Variants in INTS4 observed in about 807,000 individuals in gnomAD.
The protein encoded by INTS4 is integrator complex subunit 4.
INTS4 carries 70 observed loss-of-function variants against 119.5 expected under a neutral mutation model. The observed-to-expected ratio is 0.59, with a 90% CI of 0.48 to 0.71. The LOEUF is 0.71. Among genes scored for constraint, INTS4 ranks in the 30% least tolerant of loss-of-function variants. The pLI is 0.00. For missense variants in INTS4, 867 were observed against 1,173.2 expected (o/e 0.74, Z 3.81); for synonymous variants, 316 against 419.6 (o/e 0.75, Z 3.02).
intron 4 of INTS4, among the ~76,000 whole-genome samples, chr11:77,961,367 G>C (rs1954472431): frequency 6.6e-6 from 1 of 151,884 alleles, no homozygotes; most frequent in Admixed American, 6.6e-5. Context: ...TTTCATCTTT[G>C]TATTCCCAAT....
chr11:77,958,741 C>G lies in INTS4; in HGVS notation c.797+5G>C. The G allele has an allele frequency of 6.3e-7, 1 of 1,594,656 alleles. No individual in the cohort carries two copies. Among genetic ancestry groups the G allele is most frequent in the Non-Finnish European group, 8.6e-7 (1 of 1,164,330 alleles). ...CAACAAAAGCCAGCTTACACCCACA[C>G]TGACCTTTCAGGATAGAGCTGACTG... On this transcript the variant is annotated splice_donor_5th_base_variant and intron_variant, in intron 7 of 22. Transcript: ENST00000534064.
At chr11:77,899,066 C>A (rs1251524758) in intron 18 of INTS4, among the ~76,000 whole-genome samples, 1 of 152,044 alleles carries the variant, frequency 6.6e-6, no homozygotes, top group Non-Finnish European at 1.5e-5. Context: ...TATAATAATT[C>A]AATAACCCTT....
chr11:77,889,659 TG>T (rs1352796273), intron 21 of INTS4, among the ~76,000 whole-genome samples: 1 of 152,222 alleles, frequency 6.6e-6, no homozygotes, highest in Non-Finnish European at 1.5e-5. Flanking sequence ...CTCTGAGGCA[TG>T]TTTACTGCTA....
At chr11:77,888,662 C>T (rs1314420660) in intron 21 of INTS4, among the ~76,000 whole-genome samples, 2 of 152,124 alleles carry the variant, frequency 1.3e-5, no homozygotes, top group African/African-American at 2.4e-5. Context: ...AGAAAATTTT[C>T]GTAACCTACT....
chr11:77,925,914 A>G (rs1168243368), intron 11 of INTS4, among the ~76,000 whole-genome samples: 1 of 152,174 alleles, frequency 6.6e-6, no homozygotes, highest in African/African-American at 2.4e-5. Context: ...ATCATTCAAG[A>G]CTCAACTTGA....
Position 77,900,731 on chromosome 11 carries a change from T to C in INTS4, c.2228+690A>G, listed in dbSNP as rs1207984708. 3 of 647,752 alleles carry C rather than the reference T, an allele frequency of 4.6e-6. No homozygotes were observed. The East Asian group carries it at 8.2e-5, about 18-fold the overall frequency. The allele number at this position is 647,752 out of a possible 1,614,324, so 40.1% of individuals were successfully genotyped here. A position where few individuals can be genotyped will look rare whatever the true frequency, so the allele number is the denominator to read the frequency against. ...TGGGACACCATCAAAATATCTGATT[T>C]CAGAGAAGTTACAATAATAAAAAAT... On this transcript the variant is annotated intron_variant, in intron 18 of 22. Coordinates refer to ENST00000534064, the MANE Select transcript of INTS4 (RefSeq NM_033547.4).
At chr11:77,926,284 C>G (rs1953497368) in intron 11 of INTS4, among the ~76,000 whole-genome samples, 1 of 152,092 alleles carries the variant, frequency 6.6e-6, no homozygotes, top group Non-Finnish European at 1.5e-5. Flanking sequence ...GAGAAGTACA[C>G]AGCAGGGTGG....
In INTS4 at chr11:77,878,933, G is replaced by A. The variant is rs909965204; in HGVS notation, c.*16C>T. On this transcript the variant is annotated 3_prime_UTR_variant, in exon 23 of 23. Coordinates refer to ENST00000534064, the MANE Select transcript of INTS4 (RefSeq NM_033547.4). ...GAAGGGCCCTCTAGGCCACGGTTGG[G>A]AAGACTGTTTTTGCCTTAGCGCCGT... 6 of 1,608,860 alleles carry A rather than the reference G, an allele frequency of 3.7e-6. No homozygotes were observed. The highest frequency in any genetic ancestry group is 1.7e-5 in the Admixed American group (1 of 60,000).
At chr11:77,991,064 A>G (rs1287659291) in intron 2 of INTS4, 44 bp downstream of exon 2, 39 of 1,522,248 alleles carry the variant, frequency 2.6e-5, no homozygotes, top group Non-Finnish European at 3.5e-5. Flanking sequence ...GACATGATAC[A>G]ACTCCCATGA....
intron 19 of INTS4, among the ~76,000 whole-genome samples, chr11:77,893,479 C>T (rs1230457607): frequency 1.3e-5 from 2 of 152,146 alleles, no homozygotes; most frequent in Non-Finnish European, 2.9e-5. Flanking sequence ...CATGGTGGCA[C>T]ATGCCTGTAG....
At chr11:77,945,262 C>T (rs1591089209) in intron 8 of INTS4, among the ~76,000 whole-genome samples, 1 of 152,310 alleles carries the variant, frequency 6.6e-6, no homozygotes, top group East Asian at 1.9e-4. Flanking sequence ...AAAGGAGAGT[C>T]CTTAAGTCCT....
In INTS4 at chr11:77,915,433, G is replaced by T. The variant is rs181185556; in HGVS notation, c.1922+3388C>A. Among the ~76,000 whole-genome samples the T allele has an allele frequency of 3.5e-3, 533 of 152,256 alleles. 2 individuals are homozygous for T. The highest frequency in any genetic ancestry group is 6.1e-3 in the Non-Finnish European group (416 of 68,028). Reference sequence around the variant, plus strand: ...CAAAGACTAAGTGACCCAGGTGGAAGCTCAGGAGGCTCACGCTGGACACAT... The same window carrying T: ...CAAAGACTAAGTGACCCAGGTGGAATCTCAGGAGGCTCACGCTGGACACAT... On this transcript the variant is annotated intron_variant, in intron 15 of 22. Coordinates refer to ENST00000534064, the MANE Select transcript of INTS4 (RefSeq NM_033547.4).
chr11:77,876,073 C>T (rs1435096096), downstream of INTS4, among the ~76,000 whole-genome samples: 1 of 151,962 alleles, frequency 6.6e-6, no homozygotes, highest in Non-Finnish European at 1.5e-5. Context: ...GATGGTGGTT[C>T]CATCAGTATA....
At chr11:77,882,867 T>G (rs1177285405) in intron 22 of INTS4, among the ~76,000 whole-genome samples, 4 of 152,162 alleles carry the variant, frequency 2.6e-5, no homozygotes, top group Non-Finnish European at 5.9e-5. Flanking sequence ...GGTCAGGAGT[T>G]CGAGACTAGC....
chr11:77,890,795 T>C (rs977619633), intron 21 of INTS4, among the ~76,000 whole-genome samples: 3 of 152,246 alleles, frequency 2.0e-5, no homozygotes, highest in Non-Finnish European at 2.9e-5. Flanking sequence ...TAGTACTCTT[T>C]GTGGGGCTTA....
chr11:77,956,421 TAC>T (rs755613916), intron 7 of INTS4, among the ~76,000 whole-genome samples: 9 of 151,714 alleles, frequency 5.9e-5, no homozygotes, highest in Admixed American at 3.9e-4. Context: ...GAAAAATAAA[TAC>T]AGTCTGGGCG....
At chr11:77,975,709 G>A (rs1855917914) in intron 4 of INTS4, among the ~76,000 whole-genome samples, 1 of 152,126 alleles carries the variant, frequency 6.6e-6, no homozygotes, top group Non-Finnish European at 1.5e-5. Context: ...TGTAATCCCA[G>A]CACTTTGGGA....
At chr11:77,986,529 C>T (rs1425064777) in intron 2 of INTS4, among the ~76,000 whole-genome samples, 1 of 152,172 alleles carries the variant, frequency 6.6e-6, no homozygotes, top group East Asian at 1.9e-4. Context: ...TATAAAGATA[C>T]ATGTGCACGT....
At chr11:77,939,408 C>A (rs1479869179) in intron 9 of INTS4, among the ~76,000 whole-genome samples, 1 of 152,082 alleles carries the variant, frequency 6.6e-6, no homozygotes, top group Non-Finnish European at 1.5e-5. Context: ...CATGCCACTG[C>A]ACTCCAGCCT....
Sources: gnomAD v4.1 joint callset for allele counts (sites outside exome capture counted in the v4.1 genomes callset) on GRCh38, gnomAD v4.1.1 for gene constraint, MANE v1.5 for transcripts, NCBI Gene and HGNC (gene_info 2026-07-23, HGNC 2026-07-21) for gene names.